The following GALNT18 variants were observed in gnomAD, a reference collection of about 807,000 sequenced individuals.
GALNT18 encodes polypeptide N-acetylgalactosaminyltransferase 18, also known as GalNAc-transferase 18.
A neutral mutation model predicts 69.5 loss-of-function variants in GALNT18; 44 were observed. The observed-to-expected ratio is 0.63, with a 90% CI of 0.50 to 0.81. GALNT18 has a LOEUF of 0.81. Ranked by LOEUF, GALNT18 falls within the 40% of genes least tolerant of loss-of-function variation. The probability of loss-of-function intolerance (pLI) is 0.00; values close to 1 mark genes in which losing one functional copy is unlikely to be tolerated. For missense variants in GALNT18, 715 were observed against 810.0 expected (o/e 0.88, Z 1.42); for synonymous variants, 364 against 318.2 (o/e 1.14, Z -1.53).
Position 11,615,502 on chromosome 11 carries a change from C to T in GALNT18, c.235+5857G>A, listed in dbSNP as rs186234250. On this transcript the variant is annotated intron_variant, in intron 1 of 10. Coordinates refer to ENST00000227756, the MANE Select transcript of GALNT18 (RefSeq NM_198516.3). ...GTAATACATTATTAATCATGGTATT[C>T]AGAAGGGTAAATAGATGTTACAAGA... is the stretch of plus-strand genomic sequence containing the variant. Among the ~76,000 whole-genome samples, 11 of 152,186 alleles carry T rather than the reference C, an allele frequency of 7.2e-5. 1 individual carries two copies. The highest frequency in any genetic ancestry group is 2.9e-5 in the Non-Finnish European group (2 of 68,004).
chr11:11,487,591 T>A (rs1457986565), intron 1 of GALNT18, among the ~76,000 whole-genome samples: 6 of 152,212 alleles, frequency 3.9e-5, no homozygotes, highest in African/African-American at 1.4e-4. Flanking sequence ...ATTATTTTTC[T>A]CTCCTCTCAT....
intron 1 of GALNT18, among the ~76,000 whole-genome samples, chr11:11,462,468 T>G (rs1856067847): frequency 6.6e-6 from 1 of 151,698 alleles, no homozygotes; most frequent in South Asian, 2.1e-4. Context: ...ATTTTTTATT[T>G]TTTTAGTAGT....
chr11:11,398,069 T>C (rs1472710156), intron 3 of GALNT18, among the ~76,000 whole-genome samples: 2 of 152,246 alleles, frequency 1.3e-5, no homozygotes, highest in Non-Finnish European at 2.9e-5. Flanking sequence ...ATTATAGGCA[T>C]TATTTAATCT....
chr11:11,557,023 T>C (rs572506729), intron 1 of GALNT18, among the ~76,000 whole-genome samples: 55 of 152,322 alleles, frequency 3.6e-4, no homozygotes, highest in Middle Eastern at 3.4e-3. Context: ...GAGGCTCCCA[T>C]GCCAGGCCTT....
At chr11:11,359,433 G>T (rs1850596715) in intron 6 of GALNT18, among the ~76,000 whole-genome samples, 1 of 91,544 alleles carries the variant, frequency 1.1e-5, no homozygotes, top group South Asian at 2.6e-4. Flanking sequence ...CAATTGCTAG[G>T]GACCCTTCCT....
chr11:11,533,074 C>T (rs1857690136), intron 1 of GALNT18, among the ~76,000 whole-genome samples: 1 of 152,162 alleles, frequency 6.6e-6, no homozygotes, highest in Non-Finnish European at 1.5e-5. Context: ...GTGCATTGCC[C>T]TGCCCACCCC....
rs557807087 is a variant in GALNT18 at position 11,439,623 on chromosome 11, G to A, written c.429-6836C>T. On this transcript the variant is annotated intron_variant, in intron 2 of 10. Transcript: ENST00000227756. The surrounding 1 kb of genome is among the most constrained non-coding windows in gnomAD (Gnocchi z 4.4). ...CTATAAGCTGTACAAGGTTAGGGCC[G>A]TGTCTGCTTTGCTCATCAGGTATCC... 3.9e-5 allele frequency among the ~76,000 whole-genome samples: 6 copies of A among 152,328 alleles called. No homozygotes were observed. The highest frequency in any genetic ancestry group is 4.1e-4 in the South Asian group (2 of 4,826).
chr11:11,352,573 G>A (rs1242142108), intron 6 of GALNT18: 1 of 1,614,036 alleles, frequency 6.2e-7, no homozygotes, highest in Non-Finnish European at 8.5e-7. Context: ...TGGCCAGGAT[G>A]ATAAAACTCA....
intron 6 of GALNT18, among the ~76,000 whole-genome samples, chr11:11,370,935 G>T (rs895553813): frequency 3.3e-5 from 5 of 152,218 alleles, no homozygotes; most frequent in Non-Finnish European, 7.3e-5. Context: ...TCCAGGAGCA[G>T]TGCTGAAATG....
intron 6 of GALNT18, chr11:11,352,907 C>G: frequency 6.2e-7 from 1 of 1,614,100 alleles, no homozygotes; most frequent in Non-Finnish European, 8.5e-7. Flanking sequence ...TTTTTACTGG[C>G]TTGAGAATTT....
At position 11,497,371 on chromosome 11, in the gene GALNT18, C is replaced by CACACACACACACACACACA. The variant is rs3221469; in HGVS notation, c.236-48436_236-48435insTGTGTGTGTGTGTGTGTGT. Among the ~76,000 whole-genome samples, 4 of 131,738 alleles carry CACACACACACACACACACA rather than the reference C, an allele frequency of 3.0e-5. No individual in the cohort carries two copies. Among genetic ancestry groups the CACACACACACACACACACA allele is most frequent in the African/African-American group, 5.3e-5 (2 of 37,616 alleles). The allele number at this position is 131,738 out of a possible 152,430, so 86.4% of individuals were successfully genotyped here. On this transcript the variant is annotated intron_variant, in intron 1 of 10. Transcript: ENST00000227756. This position sits in a 1 kb window ranked among gnomAD's most constrained non-coding sequence, Gnocchi z 4.2. ...ACACACACACACACACACACACACA[C>CACACACACACACACACACA]CCCTTAGAATGGGGCTCCTTAAGAG...
intron 1 of GALNT18, among the ~76,000 whole-genome samples, chr11:11,476,742 C>A (rs776231095): frequency 8.5e-5 from 13 of 152,156 alleles, no homozygotes; most frequent in Non-Finnish European, 1.3e-4. Flanking sequence ...CATGATGTGA[C>A]AGGTGCAAGG....
chr11:11,272,287 T>A (rs999953084), intron 10 of GALNT18, among the ~76,000 whole-genome samples: 1 of 152,210 alleles, frequency 6.6e-6, no homozygotes, highest in Non-Finnish European at 1.5e-5. Flanking sequence ...CTCTCTTGTG[T>A]CATGTGACTG....
Position 11,444,399 on chromosome 11 carries a change from C to A in GALNT18, c.428+4345G>T. Reference sequence around the variant, plus strand: ...GAAATGGTCAGCAGACTCGCCCTCCCACCAACCTCTGTCTGGGTTCCCATC... The same window carrying A: ...GAAATGGTCAGCAGACTCGCCCTCCAACCAACCTCTGTCTGGGTTCCCATC... On this transcript the variant is annotated intron_variant, in intron 2 of 10. Coordinates refer to ENST00000227756, the MANE Select transcript of GALNT18 (RefSeq NM_198516.3). This position sits in a 1 kb window ranked among gnomAD's most constrained non-coding sequence, Gnocchi z 4.4. Among the ~76,000 whole-genome samples, 1 of 152,230 alleles carries A rather than the reference C, an allele frequency of 6.6e-6. No individual in the cohort carries two copies. The highest frequency in any genetic ancestry group is 1.9e-4 in the East Asian group (1 of 5,196).
Position 11,621,672 on chromosome 11 carries a change from C to G in GALNT18, c.-79G>C, listed in dbSNP as rs1457326583. On this transcript the variant is annotated 5_prime_UTR_variant, in exon 1 of 11. Coordinates refer to ENST00000227756, the MANE Select transcript of GALNT18 (RefSeq NM_198516.3). This position sits in a 1 kb window ranked among gnomAD's most constrained non-coding sequence, Gnocchi z 9.3. The stretch of plus-strand genomic sequence containing the variant: ...CCCGAACTCCCCCGCGCTCGCACCC[C>G]GTAGCACGTCCGGAGCCGCTGGGCA... 4 of 1,096,030 alleles carry G rather than the reference C, an allele frequency of 3.6e-6. No individual in the cohort carries two copies. In the East Asian group the frequency reaches 7.8e-5, roughly 21 times the overall value. 67.9% of individuals were successfully genotyped at this position (1,096,030 alleles called of 1,614,324 possible). A position where few individuals can be genotyped will look rare whatever the true frequency, so the allele number is the denominator to read the frequency against.
intron 3 of GALNT18, among the ~76,000 whole-genome samples, chr11:11,379,788 G>A (rs973643791): frequency 2.6e-5 from 4 of 152,242 alleles, no homozygotes; most frequent in Admixed American, 6.5e-5. Flanking sequence ...TCCAGGAAGT[G>A]GATGGCCAGG....
At chr11:11,585,792 TCTC>T (rs1332705381) in intron 1 of GALNT18, among the ~76,000 whole-genome samples, 9 of 143,026 alleles carry the variant, frequency 6.3e-5, no homozygotes, top group African/African-American at 1.8e-4. Context: ...AGGCCACTCT[TCTC>T]AATAAGTTTT....
chr11:11,395,302 C>T (rs1854301850), intron 3 of GALNT18, among the ~76,000 whole-genome samples: 1 of 152,198 alleles, frequency 6.6e-6, no homozygotes, highest in South Asian at 2.1e-4. Context: ...CAACCAGGAG[C>T]AGAGGAGCCA....
At chr11:11,391,992 G>A (rs1854203916) in intron 3 of GALNT18, among the ~76,000 whole-genome samples, 1 of 152,228 alleles carries the variant, frequency 6.6e-6, no homozygotes, top group Admixed American at 6.5e-5. Flanking sequence ...GAATGAATGA[G>A]TGCATGAGTC....
Sources: gnomAD v4.1 joint callset for allele counts (sites outside exome capture counted in the v4.1 genomes callset) on GRCh38, gnomAD v4.1.1 for gene constraint, Gnocchi (gnomAD v3.1) non-coding constraint, MANE v1.5 for transcripts, NCBI Gene and HGNC (gene_info 2026-07-23, HGNC 2026-07-21) for gene names.